Variants in TENM4 observed in about 807,000 individuals in gnomAD.
TENM4 encodes teneurin-4.
In TENM4, 82 loss-of-function variants were observed where a neutral mutation model predicts 243.3. That is an observed-to-expected ratio of 0.34 (90% CI 0.28 to 0.40). The LOEUF (loss-of-function observed/expected upper bound fraction) is 0.40. Among genes scored for constraint, TENM4 ranks in the 10% least tolerant of loss-of-function variants. TENM4 has a pLI of 1.00. For synonymous variants in TENM4, 1,412 were observed against 1,456.3 expected (o/e 0.97, Z 0.69); for missense variants, 3,138 against 3,673.3 (o/e 0.85, Z 3.77).
At position 78,757,649 on chromosome 11, in the gene TENM4, T is replaced by C. The variant is rs139473550; in HGVS notation, c.2540-628A>G. On this transcript the variant is annotated intron_variant, in intron 18 of 33. Transcript: ENST00000278550. ...AACAGTGGCAATTAAGAGAAGTAGA[T>C]GGTATTGAGAGACATTTAGGAGGTA... 4.3e-3 allele frequency among the ~76,000 whole-genome samples: 662 copies of C among 152,298 alleles called. 3 individuals carry two copies. The highest frequency in any genetic ancestry group is 0.015 in the African/African-American group (631 of 41,562).
intron 6 of TENM4, among the ~76,000 whole-genome samples, chr11:78,950,579 G>T (rs1857090618): frequency 6.6e-6 from 1 of 152,186 alleles, no homozygotes; most frequent in South Asian, 2.1e-4. Context: ...CCTTGGGCAA[G>T]TTATTGTATC....
chr11:78,906,227 G>C (rs78877198), intron 6 of TENM4, among the ~76,000 whole-genome samples: 2,924 of 152,318 alleles, frequency 0.019, 84 homozygotes, highest in African/African-American at 0.066. Flanking sequence ...CCCTTCGGGG[G>C]CAGTATTTGT....
intron 9 of TENM4, among the ~76,000 whole-genome samples, chr11:78,864,728 AAG>A (rs1858921788): frequency 6.6e-6 from 1 of 152,146 alleles, no homozygotes; most frequent in African/African-American, 2.4e-5. Context: ...GTAAGCGCTC[AAG>A]TCCCTGGACC....
At chr11:79,340,231 T>C (rs1368066404) in intron 1 of TENM4, among the ~76,000 whole-genome samples, 4 of 152,154 alleles carry the variant, frequency 2.6e-5, no homozygotes, top group African/African-American at 9.7e-5. Context: ...GGAAAATGGC[T>C]TCCAATAAAG....
At chr11:79,246,171 G>C (rs1855512676) in intron 2 of TENM4, among the ~76,000 whole-genome samples, 1 of 152,058 alleles carries the variant, frequency 6.6e-6, no homozygotes, top group African/African-American at 2.4e-5. Context: ...AGTGTTAGCT[G>C]TTATTAAGAA....
intron 4 of TENM4, among the ~76,000 whole-genome samples, chr11:79,080,459 G>T (rs1424392255): frequency 6.6e-6 from 1 of 152,224 alleles, no homozygotes; most frequent in East Asian, 1.9e-4. Context: ...CCCTGGGCCG[G>T]GTCTGAAAAG....
chr11:78,934,956 T>A (rs1005240890), intron 6 of TENM4, among the ~76,000 whole-genome samples: 4 of 151,430 alleles, frequency 2.6e-5, no homozygotes, highest in Non-Finnish European at 5.9e-5. Flanking sequence ...TTGGTTCTAC[T>A]TCATTATTTC....
chr11:79,139,750 A>AG (rs1491159595), intron 4 of TENM4, among the ~76,000 whole-genome samples: 1 of 14,160 alleles, frequency 7.1e-5, no homozygotes, highest in African/African-American at 5.3e-4. Context: ...TAAATATATA[A>AG]TATATATTAT....
intron 4 of TENM4, among the ~76,000 whole-genome samples, chr11:79,139,699 T>A (rs1370825904): frequency 1.1e-4 from 10 of 94,714 alleles, no homozygotes; most frequent in Non-Finnish European, 1.3e-4. Context: ...AAAATATATA[T>A]AATATTTATA....
intron 6 of TENM4, among the ~76,000 whole-genome samples, chr11:78,972,947 G>A (rs1048822836): frequency 6.6e-6 from 1 of 152,172 alleles, no homozygotes; most frequent in Non-Finnish European, 1.5e-5. Context: ...GCTCTTTTGT[G>A]ACTTCTTGCA....
intron 3 of TENM4, among the ~76,000 whole-genome samples, chr11:79,173,187 C>T (rs746904806): frequency 3.3e-5 from 5 of 152,150 alleles, no homozygotes; most frequent in Non-Finnish European, 7.4e-5. Context: ...CGACCAGGCT[C>T]AGTCAAGGCA....
At chr11:79,434,380 A>C (rs900221211) in intron 1 of TENM4, among the ~76,000 whole-genome samples, 3 of 151,974 alleles carry the variant, frequency 2.0e-5, no homozygotes, top group African/African-American at 7.3e-5. Context: ...AGGCCTCTGA[A>C]CCAAAGGGAA....
intron 6 of TENM4, among the ~76,000 whole-genome samples, chr11:78,977,847 T>G (rs1055773824): frequency 1.3e-5 from 2 of 152,200 alleles, no homozygotes; most frequent in Non-Finnish European, 2.9e-5. Flanking sequence ...AACAATTCCA[T>G]TACTGGATAT....
intron 1 of TENM4, among the ~76,000 whole-genome samples, chr11:79,330,406 G>A (rs553696376): frequency 7.2e-5 from 11 of 152,152 alleles, no homozygotes; most frequent in Non-Finnish European, 1.5e-4. Flanking sequence ...ATCCTGAAAG[G>A]CAGGGGGCTA....
intron 2 of TENM4, among the ~76,000 whole-genome samples, chr11:79,235,552 A>G (rs922903084): frequency 1.3e-5 from 2 of 152,176 alleles, no homozygotes; most frequent in Non-Finnish European, 2.9e-5. Context: ...GACTGTTGTT[A>G]ATGATTGATC....
intron 6 of TENM4, among the ~76,000 whole-genome samples, chr11:79,005,228 T>C (rs1187189568): frequency 6.6e-6 from 1 of 151,992 alleles, no homozygotes; most frequent in East Asian, 1.9e-4. Flanking sequence ...TCCAAAAAAT[T>C]TAGGAGGAGG....
At chr11:79,019,305 C>T (rs1858861059) in intron 6 of TENM4, among the ~76,000 whole-genome samples, 1 of 152,148 alleles carries the variant, frequency 6.6e-6, no homozygotes, top group South Asian at 2.1e-4. Flanking sequence ...TGGTCACTAA[C>T]CTGAGCATCC....
intron 10 of TENM4, among the ~76,000 whole-genome samples, chr11:78,858,475 G>A (rs1350737676): frequency 6.6e-6 from 1 of 152,208 alleles, no homozygotes. Flanking sequence ...GCTGGGAGCT[G>A]TTGAGGGGGA....
At chr11:79,089,936 C>T (rs1219294202) in intron 4 of TENM4, among the ~76,000 whole-genome samples, 1 of 152,152 alleles carries the variant, frequency 6.6e-6, no homozygotes, top group African/African-American at 2.4e-5. Context: ...GATTCAAAGC[C>T]CCACACAGAG....
Sources: gnomAD v4.1 joint callset for allele counts (sites outside exome capture counted in the v4.1 genomes callset) on GRCh38, gnomAD v4.1.1 for gene constraint, MANE v1.5 for transcripts, NCBI Gene and HGNC (gene_info 2026-07-23, HGNC 2026-07-21) for gene names.